MRTFB: variants seen among roughly 807,000 people sequenced by gnomAD.
The protein encoded by MRTFB is myocardin-related transcription factor B.
Under a neutral mutation model 104.2 loss-of-function variants are expected in MRTFB, and 29 were observed. That is an observed-to-expected ratio of 0.28 (90% CI 0.21 to 0.38). The LOEUF is 0.38. Ranked by LOEUF, MRTFB falls within the 10% of genes least tolerant of loss-of-function variation. MRTFB has a pLI of 1.00. For synonymous variants in MRTFB, 535 were observed against 519.5 expected (o/e 1.03, Z -0.41); for missense variants, 1,270 against 1,341.6 (o/e 0.95, Z 0.83).
intron 3 of MRTFB, among the ~76,000 whole-genome samples, chr16:14,189,062 A>G (rs1314186645): frequency 6.6e-6 from 1 of 151,150 alleles, no homozygotes; most frequent in African/African-American, 2.5e-5. Context: ...TCCTCATTTA[A>G]TAGATTCTAC....
chr16:14,039,809 C>T, the MRTFB span, among the ~76,000 whole-genome samples: 181 of 145,544 alleles, frequency 1.2e-3, 1 homozygote, highest in Non-Finnish European at 2.2e-3. Flanking sequence ...AGTGCAATGA[C>T]GCAATCTCGG....
chr16:14,018,695 C>T, the MRTFB span, among the ~76,000 whole-genome samples: 2 of 152,170 alleles, frequency 1.3e-5, no homozygotes, highest in African/African-American at 2.4e-5. Flanking sequence ...GTCCCCAGCA[C>T]TAACACACAG....
At chr16:14,006,778 G>C in the MRTFB span, among the ~76,000 whole-genome samples, 1 of 151,802 alleles carries the variant, frequency 6.6e-6, no homozygotes, top group African/African-American at 2.4e-5. Flanking sequence ...CAATTTGGAA[G>C]GCCAAGGCAA....
chr16:14,021,903 TATA>T, the MRTFB span, among the ~76,000 whole-genome samples: 1 of 152,202 alleles, frequency 6.6e-6, no homozygotes, highest in Non-Finnish European at 1.5e-5. Flanking sequence ...ATCTTTTTCG[TATA>T]ATGACTTATT....
intron 3 of MRTFB, among the ~76,000 whole-genome samples, chr16:14,168,046 T>C (rs982168007): frequency 1.6e-4 from 25 of 152,316 alleles, no homozygotes; most frequent in Non-Finnish European, 1.0e-4. Flanking sequence ...TTTAGTTTTC[T>C]GCATATGGCT....
chr16:14,136,155 T>C (rs2037709564), intron 2 of MRTFB, among the ~76,000 whole-genome samples: 1 of 151,832 alleles, frequency 6.6e-6, no homozygotes, highest in Non-Finnish European at 1.5e-5. Context: ...GTGCCTGTAA[T>C]CCCAACTATT....
chr16:14,242,767 T>G (rs1049988142), intron 10 of MRTFB, among the ~76,000 whole-genome samples: 3 of 152,102 alleles, frequency 2.0e-5, no homozygotes, highest in African/African-American at 7.2e-5. Flanking sequence ...TCTATTGATT[T>G]GGGAGAAAAA....
At chr16:14,211,369 G>A (rs914006041) in intron 4 of MRTFB, among the ~76,000 whole-genome samples, 1 of 152,092 alleles carries the variant, frequency 6.6e-6, no homozygotes, top group African/African-American at 2.4e-5. Context: ...CTGCTTTCGG[G>A]TGCTGGTCCT....
intron 3 of MRTFB, among the ~76,000 whole-genome samples, chr16:14,154,123 A>G (rs2038736177): frequency 6.6e-6 from 1 of 152,212 alleles, no homozygotes; most frequent in African/African-American, 2.4e-5. Context: ...GTTTGAACCC[A>G]GGAGTTCAAG....
At chr16:14,176,510 C>A (rs902328650) in intron 3 of MRTFB, among the ~76,000 whole-genome samples, 5 of 152,292 alleles carry the variant, frequency 3.3e-5, no homozygotes, top group African/African-American at 1.2e-4. Context: ...AATGACATAG[C>A]AAATACCATT....
chr16:14,046,541 G>C, the MRTFB span, among the ~76,000 whole-genome samples: 1 of 152,018 alleles, frequency 6.6e-6, no homozygotes, highest in Non-Finnish European at 1.5e-5. Flanking sequence ...TTCATTTCCA[G>C]CATTTCTTGG....
At chr16:14,247,567 T>G in intron 12 of MRTFB, 60 bp downstream of exon 12, 3 of 1,452,648 alleles carry the variant, frequency 2.1e-6, no homozygotes, top group Non-Finnish European at 2.8e-6. Flanking sequence ...CAAACCCTGC[T>G]AAGGAAGGCA....
intron 8 of MRTFB, among the ~76,000 whole-genome samples, chr16:14,226,052 AAGGAG>A (rs1418785256): frequency 1.3e-5 from 2 of 152,170 alleles, no homozygotes; most frequent in Non-Finnish European, 2.9e-5. Context: ...AACAATGCAA[AAGGAG>A]AGGAGAATGG....
At chr16:14,058,947 T>G in the MRTFB span, among the ~76,000 whole-genome samples, 3 of 152,084 alleles carry the variant, frequency 2.0e-5, no homozygotes, top group African/African-American at 7.2e-5. Flanking sequence ...CTCGAACTCC[T>G]GGCCTCAAGT....
intron 3 of MRTFB, among the ~76,000 whole-genome samples, chr16:14,167,582 C>T (rs1307646814): frequency 1.3e-5 from 2 of 152,022 alleles, no homozygotes; most frequent in African/African-American, 4.8e-5. Flanking sequence ...TTTGCCTGTG[C>T]CTATGTCCTG....
At chr16:14,108,303 A>G (rs2142128141) in intron 2 of MRTFB, among the ~76,000 whole-genome samples, 1 of 152,358 alleles carries the variant, frequency 6.6e-6, no homozygotes, top group African/African-American at 2.4e-5. Flanking sequence ...GTCCTCTACC[A>G]CATGTGAATC....
At chr16:14,143,886 G>C (rs2038156532) in intron 3 of MRTFB, 1 of 151,994 alleles carries the variant, frequency 6.6e-6, no homozygotes, top group South Asian at 2.1e-4. Flanking sequence ...TAGTGAAAAG[G>C]AGGTTACCCT....
the MRTFB span, among the ~76,000 whole-genome samples, chr16:14,031,754 TG>T: frequency 1.3e-5 from 2 of 152,104 alleles, no homozygotes; most frequent in African/African-American, 4.8e-5. Flanking sequence ...GTAATAAAGG[TG>T]TCATTCATAA....
chr16:14,179,964 T>G (rs1222863992), intron 3 of MRTFB, among the ~76,000 whole-genome samples: 2 of 152,344 alleles, frequency 1.3e-5, no homozygotes, highest in Admixed American at 6.5e-5. Flanking sequence ...GAGTGCAGAT[T>G]AGTCTGGTTA....
Sources: gnomAD v4.1 joint callset for allele counts (sites outside exome capture counted in the v4.1 genomes callset) on GRCh38, gnomAD v4.1.1 for gene constraint, MANE v1.5 for transcripts, NCBI Gene and HGNC (gene_info 2026-07-23, HGNC 2026-07-21) for gene names.